The following AK9 variants were observed in gnomAD, a reference collection of about 807,000 sequenced individuals.
AK9 encodes adenylate kinase domain containing 1.
In AK9, 191 loss-of-function variants were observed where a neutral mutation model predicts 239.6. The ratio of observed to expected loss-of-function variants is 0.80; its 90% CI spans 0.71 to 0.90. AK9 has a LOEUF of 0.90. AK9 is among the 40% of genes least tolerant of loss of function. The pLI is 0.00. For missense variants in AK9, 1,995 were observed against 2,214.7 expected (o/e 0.90, Z 1.99); for synonymous variants, 689 against 721.0 (o/e 0.96, Z 0.71).
intron 10 of AK9, among the ~76,000 whole-genome samples, chr6:109,638,445 G>C (rs1286583027): frequency 6.6e-6 from 1 of 152,076 alleles, no homozygotes; most frequent in African/African-American, 2.4e-5. Flanking sequence ...TTTGAATTAT[G>C]TCTATTTATG....
chr6:109,553,054 A>G (rs1784544683), intron 24 of AK9, among the ~76,000 whole-genome samples: 1 of 152,028 alleles, frequency 6.6e-6, no homozygotes, highest in African/African-American at 2.4e-5. Flanking sequence ...GTTCTATTCC[A>G]TTGGTCTATA....
At chr6:109,578,988 A>T (rs991321540) in intron 20 of AK9, among the ~76,000 whole-genome samples, 2 of 152,216 alleles carry the variant, frequency 1.3e-5, no homozygotes, top group Non-Finnish European at 2.9e-5. Context: ...GCTGATGAAT[A>T]GAATGTATAT....
At chr6:109,680,653 T>A (rs766432443) in intron 1 of AK9, among the ~76,000 whole-genome samples, 1 of 151,972 alleles carries the variant, frequency 6.6e-6, no homozygotes, top group Non-Finnish European at 1.5e-5. Flanking sequence ...CACATAATCG[T>A]CAGATTCACC....
chr6:109,561,072 G>C (rs1785693285), intron 24 of AK9, among the ~76,000 whole-genome samples: 1 of 151,940 alleles, frequency 6.6e-6, no homozygotes, highest in African/African-American at 2.4e-5. Flanking sequence ...TCCTGCCCCA[G>C]CCTCCTGAGT....
intron 23 of AK9, 87 bp from the exon 24 acceptor site, chr6:109,563,799 A>G (rs1583022261): frequency 1.6e-6 from 2 of 1,289,568 alleles, no homozygotes; most frequent in Non-Finnish European, 2.1e-6. Context: ...GGGAAAATTG[A>G]TTATTATTAT....
intron 35 of AK9, among the ~76,000 whole-genome samples, chr6:109,505,574 A>T (rs1189374324): frequency 6.6e-6 from 1 of 152,216 alleles, no homozygotes; most frequent in Non-Finnish European, 1.5e-5. Context: ...TAGTAAAAAT[A>T]ATTTTAATTC....
chr6:109,558,562 C>G (rs755449401), intron 24 of AK9, among the ~76,000 whole-genome samples: 1 of 152,114 alleles, frequency 6.6e-6, no homozygotes, highest in Admixed American at 6.6e-5. Context: ...TATCTGGACT[C>G]TCTTGTGTTC....
Position 109,598,298 on chromosome 6 carries a change from C to T in AK9, c.1842+12067G>A, listed in dbSNP as rs1009820633. Among the ~76,000 whole-genome samples, 4 of 150,208 alleles carry T rather than the reference C, an allele frequency of 2.7e-5. No individual in the cohort carries two copies. In the Admixed American group the frequency reaches 2.7e-4, roughly 10 times the overall value. ...TCCATGTGTTCTCATTGTTCAATTC[C>T]CACCTATGAGTGAGAACATGCGGTG... On this transcript the variant is annotated intron_variant, in intron 17 of 40. Transcript: ENST00000424296.
At chr6:109,635,530 C>T (rs1189756830) in intron 10 of AK9, among the ~76,000 whole-genome samples, 1 of 152,150 alleles carries the variant, frequency 6.6e-6, no homozygotes, top group Non-Finnish European at 1.5e-5. Flanking sequence ...AGCATACTTT[C>T]TGGAGCCACT....
rs1431466963 is a variant in AK9, at chr6:109,564,855, G to T, written c.2345-10C>A. On this transcript the variant is annotated splice_polypyrimidine_tract_variant and intron_variant, in intron 21 of 40. Transcript: ENST00000424296. ...TCGATAGGCTCAGATACTTAAGAAAGAAATCGAATAGTTAGTGTTTAAATT... is the reference window on the plus strand; with the variant it reads ...TCGATAGGCTCAGATACTTAAGAAATAAATCGAATAGTTAGTGTTTAAATT... The T allele has an allele frequency of 3.3e-6, 5 of 1,511,154 alleles. No individual in the cohort carries two copies. Among genetic ancestry groups the T allele is most frequent in the South Asian group, 2.6e-5 (2 of 77,526 alleles). 93.6% of individuals were successfully genotyped at this position (1,511,154 alleles called of 1,614,324 possible).
At chr6:109,519,045 A>C (rs1380375722) in intron 29 of AK9, among the ~76,000 whole-genome samples, 2 of 152,190 alleles carry the variant, frequency 1.3e-5, no homozygotes, top group Non-Finnish European at 2.9e-5. Flanking sequence ...TCCTACTTAT[A>C]AATGAGAATA....
intron 5 of AK9, among the ~76,000 whole-genome samples, chr6:109,670,573 C>A (rs1195106323): frequency 5.3e-5 from 8 of 152,116 alleles, no homozygotes. Flanking sequence ...CCATGAGAGG[C>A]ACAACTGAGT....
At chr6:109,626,220 C>G (rs537127990) in intron 12 of AK9, among the ~76,000 whole-genome samples, 8 of 106,508 alleles carry the variant, frequency 7.5e-5, no homozygotes, top group Non-Finnish European at 1.5e-4. Flanking sequence ...ATTCTCTATT[C>G]TCTTATAAAG....
chr6:109,499,606 ATTTT>A (rs998389417), intron 35 of AK9, among the ~76,000 whole-genome samples: 1 of 147,940 alleles, frequency 6.8e-6, no homozygotes, highest in Admixed American at 6.7e-5. Flanking sequence ...AATTTACCTA[ATTTT>A]TTTTTTTGAG....
intron 24 of AK9, among the ~76,000 whole-genome samples, chr6:109,560,913 G>A (rs1179135823): frequency 6.6e-6 from 1 of 151,920 alleles, no homozygotes; most frequent in Non-Finnish European, 1.5e-5. Context: ...CTTTCTTTCA[G>A]CTTTTGTATG....
chr6:109,663,197 C>T (rs1381342984), intron 5 of AK9, among the ~76,000 whole-genome samples: 2 of 152,128 alleles, frequency 1.3e-5, no homozygotes, highest in African/African-American at 2.4e-5. Context: ...CTTGTATCCC[C>T]ACCCAGAAAT....
intron 29 of AK9, among the ~76,000 whole-genome samples, chr6:109,527,204 A>G (rs1398296302): frequency 6.6e-6 from 1 of 152,134 alleles, no homozygotes; most frequent in Non-Finnish European, 1.5e-5. Context: ...AGATGGCGAC[A>G]TTTCCCTATG....
chr6:109,599,018 G>A (rs1412659797), intron 17 of AK9, among the ~76,000 whole-genome samples: 2 of 152,192 alleles, frequency 1.3e-5, no homozygotes, highest in African/African-American at 4.8e-5. Context: ...CTCCCATTCT[G>A]TAGGTTGCCT....
chr6:109,639,886 C>A (rs1316867456), intron 10 of AK9, among the ~76,000 whole-genome samples: 1 of 152,192 alleles, frequency 6.6e-6, no homozygotes, highest in East Asian at 1.9e-4. Context: ...GTTTTCCCAG[C>A]ACCATTTATT....
Sources: gnomAD v4.1 joint callset for allele counts (sites outside exome capture counted in the v4.1 genomes callset) on GRCh38, gnomAD v4.1.1 for gene constraint, MANE v1.5 for transcripts, NCBI Gene and HGNC (gene_info 2026-07-23, HGNC 2026-07-21) for gene names.